The following PLEKHG1 variants were observed in gnomAD, a reference collection of about 807,000 sequenced individuals.
The protein encoded by PLEKHG1 is pleckstrin homology and RhoGEF domain containing G1.
PLEKHG1 carries 44 observed loss-of-function variants against 100.8 expected under a neutral mutation model. The ratio of observed to expected loss-of-function variants is 0.44; its 90% CI spans 0.34 to 0.56. The LOEUF (loss-of-function observed/expected upper bound fraction) is 0.56, where lower values mean the gene tolerates loss of function less well. Among genes scored for constraint, PLEKHG1 ranks in the 20% least tolerant of loss-of-function variants. The pLI, the probability that PLEKHG1 is intolerant of heterozygous loss-of-function variation, is 0.01. For missense variants in PLEKHG1, 1,545 were observed against 1,720.9 expected, an observed-to-expected ratio of 0.90 and a Z score of 1.81; for synonymous variants, 640 against 662.5, an observed-to-expected ratio of 0.97 and a Z score of 0.52.
intron 3 of PLEKHG1, among the ~76,000 whole-genome samples, chr6:150,691,699 A>G (rs1328568702): frequency 1.3e-5 from 2 of 152,176 alleles, no homozygotes; most frequent in Non-Finnish European, 2.9e-5. Flanking sequence ...CTCTTCTTCT[A>G]TCAATAGAAT....
rs558767058 is a variant in PLEKHG1 at position 150,694,697 on chromosome 6, CA to C, written c.-98-38873del. ...CCTGGGCAACAGTGAGACTCTGTCT[CA>C]AAAAAAAAAAAAATAAAAATAAAAA... On this transcript the variant is annotated intron_variant, in intron 3 of 3. Coordinates refer to the PLEKHG1 transcript ENST00000367326. Among the ~76,000 whole-genome samples the C allele has an allele frequency of 2.8e-3, 320 of 115,052 alleles. 1 individual carries two copies. The highest frequency in any genetic ancestry group is 9.8e-3 in the Middle Eastern group (2 of 204). The allele number at this position is 115,052 out of a possible 152,430, so 75.5% of individuals were successfully genotyped here.
intron 3 of PLEKHG1, among the ~76,000 whole-genome samples, chr6:150,666,732 A>G (rs937751286): frequency 2.0e-5 from 3 of 151,882 alleles, no homozygotes; most frequent in African/African-American, 7.3e-5. Context: ...CTAGCTTCAT[A>G]CAGTTGCCAT....
intron 2 of PLEKHG1, among the ~76,000 whole-genome samples, chr6:150,641,208 A>G (rs1778243982): frequency 6.6e-6 from 1 of 152,236 alleles, no homozygotes; most frequent in African/African-American, 2.4e-5. Context: ...ACTAGAAACC[A>G]TACATATCTA....
exon 16 of PLEKHG1, chr6:150,842,926 C>G (rs1027482433): frequency 6.6e-6 from 1 of 152,112 alleles, no homozygotes; most frequent in Non-Finnish European, 1.5e-5. Flanking sequence ...GTTGGCCAGG[C>G]TGGTCTCGAA....
chr6:150,642,866 A>G (rs947640672), intron 2 of PLEKHG1, among the ~76,000 whole-genome samples: 2 of 152,350 alleles, frequency 1.3e-5, no homozygotes, highest in African/African-American at 2.4e-5. Flanking sequence ...GCAGTGGTTC[A>G]GTATTTTTCT....
exon 16 of PLEKHG1, chr6:150,840,735 C>G: frequency 6.2e-7 from 1 of 1,614,144 alleles, no homozygotes; most frequent in South Asian, 1.1e-5. Context: ...TCCAAAAAAG[C>G]CGGTTAACAG....
chr6:150,647,112 G>A (rs1340259381), intron 2 of PLEKHG1, among the ~76,000 whole-genome samples: 1 of 152,148 alleles, frequency 6.6e-6, no homozygotes, highest in Non-Finnish European at 1.5e-5. Flanking sequence ...AAATTTTTAT[G>A]CTTTGGGTCT....
intron 3 of PLEKHG1, among the ~76,000 whole-genome samples, chr6:150,676,574 C>A (rs1461370188): frequency 1.3e-5 from 2 of 152,134 alleles, no homozygotes; most frequent in Non-Finnish European, 2.9e-5. Context: ...GGCAGTTTAT[C>A]CCGACGGTGT....
At chr6:150,780,569 C>T (rs1785254282) in intron 3 of PLEKHG1, among the ~76,000 whole-genome samples, 1 of 152,106 alleles carries the variant, frequency 6.6e-6, no homozygotes, top group South Asian at 2.1e-4. Context: ...GATAACTTTA[C>T]CATGACATAT....
At chr6:150,767,025 CAA>C (rs1784487122) in intron 2 of PLEKHG1, among the ~76,000 whole-genome samples, 1 of 152,142 alleles carries the variant, frequency 6.6e-6, no homozygotes. Context: ...AAATGTCCAG[CAA>C]AGTCTTAAGC....
At position 150,764,731 on chromosome 6, in the gene PLEKHG1, G is replaced by A. The variant is rs543394490; in HGVS notation, c.412-3907G>A. Among the ~76,000 whole-genome samples, 8 of 151,530 alleles carry A rather than the reference G, an allele frequency of 5.3e-5. No homozygotes were observed. The East Asian group carries it at 1.5e-3, about 29-fold the overall frequency. On this transcript the variant is annotated intron_variant, in intron 2 of 15. Transcript: ENST00000358517. ...TAGATGTTGTCTTCTTCCTCCTTTC[G>A]CTGTGTTGAAACTCCATCCTTCAAG...
At chr6:150,791,427 C>G (rs571018150) in intron 4 of PLEKHG1, among the ~76,000 whole-genome samples, 1 of 151,952 alleles carries the variant, frequency 6.6e-6, no homozygotes, top group African/African-American at 2.4e-5. Flanking sequence ...TTTGGGAGGC[C>G]AAGGTGGGTG....
intron 3 of PLEKHG1, among the ~76,000 whole-genome samples, chr6:150,677,283 T>TACGCGCACACAC (rs756621195): frequency 2.2e-5 from 3 of 134,136 alleles, no homozygotes; most frequent in South Asian, 2.3e-4. Context: ...TTTCTTCCCC[T>TACGCGCACACAC]ATACACACAC....
intron 13 of PLEKHG1, 67 bp from the exon 15 acceptor site, chr6:150,823,587 T>TA (rs1776426049): frequency 3.8e-6 from 4 of 1,051,436 alleles, no homozygotes; most frequent in South Asian, 2.6e-5. Context: ...CTATAAAATA[T>TA]TAGTGCTTAC....
rs200789428 is a variant in PLEKHG1, at chr6:150,727,468, GCA to G, written c.-98-6115_-98-6114del. ...AATTAAAATAATGGAAGTTGGAAGA[GCA>G]AAGAAGGAAAAGCCATGGAATTCCA... On this transcript the variant is annotated intron_variant, in intron 1 of 15. Coordinates refer to ENST00000358517, the Ensembl canonical transcript of PLEKHG1. 6.7e-3 allele frequency among the ~76,000 whole-genome samples: 1,015 copies of G among 152,248 alleles called. 15 individuals carry two copies. Among genetic ancestry groups the G allele is most frequent in the African/African-American group, 0.023 (950 of 41,546 alleles).
rs184217430 is a variant in PLEKHG1, at chr6:150,739,211, G to A, written c.411+5119G>A. On this transcript the variant is annotated intron_variant, in intron 2 of 15. Coordinates refer to ENST00000358517, the Ensembl canonical transcript of PLEKHG1. ...CTACAGAATGGCATCGTTGAGCTCT[G>A]AGAGATACTAAATTAAGCCATATTT... Among the ~76,000 whole-genome samples, 258 of 152,256 alleles carry A rather than the reference G, an allele frequency of 1.7e-3. 10 individuals are homozygous for A. The South Asian group carries it at 0.04, about 24-fold the overall frequency.
intron 7 of PLEKHG1, among the ~76,000 whole-genome samples, chr6:150,805,579 A>G (rs1367520535): frequency 1.3e-5 from 2 of 151,818 alleles, no homozygotes; most frequent in African/African-American, 4.8e-5. Flanking sequence ...CCAGGCTGGA[A>G]TGCAGTGGCA....
chr6:150,641,028 T>TC (rs1778235181), intron 2 of PLEKHG1, among the ~76,000 whole-genome samples: 3 of 152,146 alleles, frequency 2.0e-5, no homozygotes, highest in African/African-American at 7.2e-5. Flanking sequence ...ATGCTCTAGC[T>TC]TATCTGTGCA....
intron 3 of PLEKHG1, among the ~76,000 whole-genome samples, chr6:150,679,819 A>G (rs964417942): frequency 6.6e-6 from 1 of 152,236 alleles, no homozygotes; most frequent in African/African-American, 2.4e-5. Flanking sequence ...CATAAAGGAA[A>G]AAAAAATACA....
Sources: allele counts gnomAD v4.1 joint callset (sites outside exome capture counted in the v4.1 genomes callset), GRCh38; gene constraint gnomAD v4.1.1; transcripts MANE v1.5; gene names NCBI Gene and HGNC (gene_info 2026-07-23, HGNC 2026-07-21).